The following RNF4 variants were observed in gnomAD, a reference collection of about 807,000 sequenced individuals.
RNF4 encodes the protein ring finger protein 4, also known as E3 ubiquitin-protein ligase RNF4.
Under a neutral mutation model 24.3 loss-of-function variants are expected in RNF4, and 7 were observed. The observed-to-expected ratio is 0.29, with a 90% CI of 0.16 to 0.54. The LOEUF is 0.54. Ranked by LOEUF, RNF4 falls within the 20% of genes least tolerant of loss-of-function variation. RNF4 has a pLI of 0.95. For missense variants in RNF4, 209 were observed against 248.5 expected (o/e 0.84, Z 1.07); for synonymous variants, 83 against 84.3 (o/e 0.98, Z 0.09).
chr4:2,513,889 C>A lies in RNF4; in HGVS notation c.*70C>A, dbSNP rs912788906. The A allele has an allele frequency of 6.9e-6, 11 of 1,592,528 alleles. No homozygotes were observed. Among genetic ancestry groups the A allele is most frequent in the Non-Finnish European group, 9.4e-6 (11 of 1,164,954 alleles). ...CCAGGTTCTCCAGTGGTATCTGCCT[C>A]CATTTTCCTGAGATCAAAAAGACTG... On this transcript the variant is annotated 3_prime_UTR_variant, in exon 8 of 8. Transcript: ENST00000314289.
rs534687250 is a variant in RNF4, at chr4:2,501,463, G to A, written c.204+725G>A. Among the ~76,000 whole-genome samples the A allele has an allele frequency of 5.3e-5, 8 of 152,090 alleles. No individual in the cohort carries two copies. In the East Asian group the frequency reaches 9.6e-4, roughly 18 times the overall value. On this transcript the variant is annotated intron_variant, in intron 4 of 7. Coordinates refer to ENST00000314289, the MANE Select transcript of RNF4 (RefSeq NM_002938.5). Reference sequence around the variant, plus strand: ...GCCTGTGTCCCTGTCTCATGGCACCGGTTACAGACTGCAGGGGACGTGTGT... The same window carrying A: ...GCCTGTGTCCCTGTCTCATGGCACCAGTTACAGACTGCAGGGGACGTGTGT...
rs538207146 is a variant in RNF4 at position 2,490,230 on chromosome 4, G to A, written c.-157-107G>A. 8 of 429,290 alleles carry A rather than the reference G, an allele frequency of 1.9e-5. No individual in the cohort carries two copies. The South Asian group carries it at 3.5e-4, about 19-fold the overall frequency. The allele number at this position is 429,290 out of a possible 1,614,324, so 26.6% of individuals were successfully genotyped here. On this transcript the variant is annotated intron_variant, in intron 1 of 7. Transcript: ENST00000314289. ...ATTAAGGATGTCATTGCGTGAAATA[G>A]TAAGCAAATAACCTAGGGACAGGAA...
At chr4:2,500,622 T>G in intron 3 of RNF4, 37 bp from the exon 4 acceptor site, 1 of 1,605,540 alleles carries the variant, frequency 6.2e-7, no homozygotes, top group African/African-American at 1.3e-5. Flanking sequence ...TACTTTCCTC[T>G]TAATCTTAAT....
chr4:2,481,517 G>A (rs1735243038), intron 1 of RNF4, among the ~76,000 whole-genome samples: 1 of 152,120 alleles, frequency 6.6e-6, no homozygotes, highest in Non-Finnish European at 1.5e-5. Flanking sequence ...GATTATTTGG[G>A]AGCAATACTT....
rs1382778938 is a variant in RNF4 at position 2,515,826 on chromosome 4, A to G, written c.*2007A>G. On this transcript the variant is annotated 3_prime_UTR_variant, in exon 8 of 8. Transcript: ENST00000314289. ...CTTTGGACTCCTCTGCTAGTGTTAC[A>G]GATGGAAATAAAACCATTAATTTGA... The G allele has an allele frequency of 1.3e-5, 2 of 152,668 alleles. No homozygotes were observed. Among genetic ancestry groups the G allele is most frequent in the Non-Finnish European group, 2.9e-5 (2 of 68,050 alleles). 9.5% of individuals were successfully genotyped at this position (152,668 alleles called of 1,614,324 possible).
Position 2,497,017 on chromosome 4 carries a change from G to T in RNF4, c.20G>T (p.Arg7Leu). MSTRKRRGGAINSRQAQ... is the reference protein window; with the variant it reads MSTRKRLGGAINSRQAQ... Reference sequence around the variant, plus strand: ...CCCCTTGCTACTCAGAGAAAGCGTCGTGGTGGAGCAATAAATTCTAGACAA... The same window carrying T: ...CCCCTTGCTACTCAGAGAAAGCGTCTTGGTGGAGCAATAAATTCTAGACAA... The change falls in exon 3 of 8, where the codon CGT becomes CTT. Residue 7 changes from arginine (R) to leucine (L), a missense_variant. This residue lies in a region of RNF4 where 182 missense variants were observed against 197.2 expected (regional missense o/e 0.92). Transcript: ENST00000314289. 1 of 1,601,318 alleles carries T rather than the reference G, an allele frequency of 6.2e-7. No homozygotes were observed. The highest frequency in any genetic ancestry group is 8.5e-7 in the Non-Finnish European group (1 of 1,174,160).
rs1292865111 is a variant in RNF4, at chr4:2,515,531, T to TG, written c.*1714dup. 4 of 152,298 alleles carry TG rather than the reference T, an allele frequency of 2.6e-5. No homozygotes were observed. Among genetic ancestry groups the TG allele is most frequent in the African/African-American group, 9.6e-5 (4 of 41,458 alleles). The allele number at this position is 152,298 out of a possible 1,614,324, so 9.4% of individuals were successfully genotyped here. A position where few individuals can be genotyped will look rare whatever the true frequency, so the allele number is the denominator to read the frequency against. ...GCCCAGACTTGGAGCAAGGCAACCT[T>TG]GGAGTCAGTCCACTCATAAAATATG... On this transcript the variant is annotated 3_prime_UTR_variant, in exon 8 of 8. Transcript: ENST00000314289.
rs148882164 is a variant in RNF4, at chr4:2,471,771, G to C, written c.-158+2513G>C. Among the ~76,000 whole-genome samples the C allele has an allele frequency of 1.7e-4, 26 of 152,330 alleles. 1 individual carries two copies. In the East Asian group the frequency reaches 4.2e-3, roughly 25 times the overall value. On this transcript the variant is annotated intron_variant, in intron 1 of 7. Transcript: ENST00000314289. Reference sequence around the variant, plus strand: ...ATCCATGACATTCCCTTAAGCGAAAGCCTAATCCGGAGCAAGGTACTAACT... The same window carrying C: ...ATCCATGACATTCCCTTAAGCGAAACCCTAATCCGGAGCAAGGTACTAACT...
chr4:2,500,194 A>C (rs1285747392), intron 3 of RNF4, among the ~76,000 whole-genome samples: 1 of 151,648 alleles, frequency 6.6e-6, no homozygotes, highest in African/African-American at 2.4e-5. Flanking sequence ...GCCCTAGATT[A>C]ACCGATGAAG....
At chr4:2,511,099 T>C (rs1348559744) in intron 4 of RNF4, among the ~76,000 whole-genome samples, 3 of 152,246 alleles carry the variant, frequency 2.0e-5, no homozygotes, top group Non-Finnish European at 4.4e-5. Context: ...GAGAGCATCA[T>C]GCCCCTAGTG....
chr4:2,490,784 A>G (rs1038352056), intron 2 of RNF4: 10 of 332,970 alleles, frequency 3.0e-5, no homozygotes, highest in Non-Finnish European at 5.5e-5. Context: ...AGTGTCATAG[A>G]AATACTAAAA....
intron 1 of RNF4, among the ~76,000 whole-genome samples, chr4:2,477,717 G>T (rs1032451949): frequency 5.9e-5 from 9 of 152,118 alleles, no homozygotes; most frequent in African/African-American, 2.2e-4. Context: ...AAGCCTCCCC[G>T]GCCATTTGGA....
rs1042219290 is a variant in RNF4 at position 2,495,642 on chromosome 4, G to A, written c.10-1365G>A. On this transcript the variant is annotated intron_variant, in intron 2 of 7. Coordinates refer to ENST00000314289, the MANE Select transcript of RNF4 (RefSeq NM_002938.5). ...TGTTGGGAAGCTCTTTTTTTTTTGG[G>A]GGGGGGTGAGATGGAGATTTACTCT... Among the ~76,000 whole-genome samples, 539 of 148,706 alleles carry A rather than the reference G, an allele frequency of 3.6e-3. 2 individuals carry two copies. Among genetic ancestry groups the A allele is most frequent in the African/African-American group, 0.01 (418 of 40,740 alleles).
intron 2 of RNF4, among the ~76,000 whole-genome samples, chr4:2,495,097 C>T (rs1017241562): frequency 2.8e-5 from 2 of 71,880 alleles, no homozygotes; most frequent in Non-Finnish European, 7.6e-5. Flanking sequence ...TGTCAGCTCC[C>T]TTGAGGCCAA....
rs965263806 is a variant in RNF4 at position 2,515,111 on chromosome 4, T to C, written c.*1292T>C. The C allele has an allele frequency of 2.6e-5, 4 of 152,658 alleles. No homozygotes were observed. Among genetic ancestry groups the C allele is most frequent in the African/African-American group, 9.6e-5 (4 of 41,464 alleles). 9.5% of individuals were successfully genotyped at this position (152,658 alleles called of 1,614,324 possible). On this transcript the variant is annotated 3_prime_UTR_variant, in exon 8 of 8. Transcript: ENST00000314289. ...AGTGCCGGCATGCCTCCTCTTCCAC[T>C]GTCGTCCTTCCTCAGAGGGCCTCAC...
rs991049400 is a variant in RNF4, at chr4:2,474,221, CA to C, written c.-158+4970del. Among the ~76,000 whole-genome samples, 11 of 3,794 alleles carry C rather than the reference CA, an allele frequency of 2.9e-3. 1 individual carries two copies. Among genetic ancestry groups the C allele is most frequent in the Admixed American group, 5.2e-3 (1 of 194 alleles). 2.5% of individuals were successfully genotyped at this position (3,794 alleles called of 152,430 possible). ...AAACACCGTCTCTACTAAAAACACA[CA>C]AAAAAATTAGCCAGGTGTGGTGGCA... On this transcript the variant is annotated intron_variant, in intron 1 of 7. Coordinates refer to ENST00000314289, the MANE Select transcript of RNF4 (RefSeq NM_002938.5).
In RNF4 at chr4:2,513,993, T is replaced by C; in HGVS notation, c.*174T>C. ...TTTTGTTATCTCCAGTTTGATGCTA[T>C]GGCGCTGGACCCAGGGCCCTCCCAG... On this transcript the variant is annotated 3_prime_UTR_variant, in exon 8 of 8. Transcript: ENST00000314289. The C allele has an allele frequency of 1.2e-6, 1 of 866,054 alleles. No homozygotes were observed. 53.6% of individuals were successfully genotyped at this position (866,054 alleles called of 1,614,324 possible).
intron 2 of RNF4, among the ~76,000 whole-genome samples, chr4:2,492,794 C>T (rs944381770): frequency 1.3e-5 from 2 of 152,242 alleles, no homozygotes; most frequent in African/African-American, 4.8e-5. Context: ...CACCTTGGTG[C>T]TTCACCTGCA....
intron 1 of RNF4, among the ~76,000 whole-genome samples, chr4:2,483,034 CACTCAT>C (rs1488812317): frequency 5.3e-5 from 8 of 152,188 alleles, no homozygotes; most frequent in Admixed American, 2.6e-4. Context: ...TATTTAATAG[CACTCAT>C]ACCTGTAAGA....
Sources: allele counts gnomAD v4.1 joint callset (sites outside exome capture counted in the v4.1 genomes callset), GRCh38; gene constraint gnomAD v4.1.1; regional missense constraint gnomAD v4.1.1; transcripts MANE v1.5; gene names NCBI Gene and HGNC (gene_info 2026-07-23, HGNC 2026-07-21).